The following CCSER1 variants were observed in gnomAD, a reference collection of about 807,000 sequenced individuals.
CCSER1 encodes the protein serine-rich coiled-coil domain-containing protein 1.
A neutral mutation model predicts 82.0 loss-of-function variants in CCSER1; 41 were observed. The ratio of observed to expected loss-of-function variants is 0.50; its 90% CI spans 0.39 to 0.65. CCSER1 has a LOEUF of 0.65. Ranked by LOEUF, CCSER1 falls within the 30% of genes least tolerant of loss-of-function variation. The pLI is 0.00. For synonymous variants in CCSER1, 414 were observed against 383.9 expected (o/e 1.08, Z -0.92); for missense variants, 1,119 against 1,064.2 (o/e 1.05, Z -0.72).
intron 5 of CCSER1, among the ~76,000 whole-genome samples, chr4:90,516,828 T>C (rs879248914): frequency 6.6e-6 from 1 of 152,284 alleles, no homozygotes; most frequent in Admixed American, 6.5e-5. Context: ...GGGGAATCTT[T>C]GAAGTGGTGT....
chr4:90,761,200 C>T (rs1049184233), intron 7 of CCSER1, among the ~76,000 whole-genome samples: 3 of 152,082 alleles, frequency 2.0e-5, no homozygotes. Context: ...CCTACCCTCA[C>T]ACTTGTATGG....
At chr4:91,482,797 A>T (rs1281666203) in intron 10 of CCSER1, among the ~76,000 whole-genome samples, 1 of 152,196 alleles carries the variant, frequency 6.6e-6, no homozygotes, top group East Asian at 1.9e-4. Context: ...CTTTGTAGGG[A>T]CATGGATGAA....
intron 5 of CCSER1, among the ~76,000 whole-genome samples, chr4:90,475,832 C>A (rs1012658391): frequency 1.3e-5 from 2 of 152,164 alleles, no homozygotes; most frequent in African/African-American, 4.8e-5. Context: ...GGCCAATTTG[C>A]TAGTCTCTAA....
chr4:90,778,731 A>G (rs1753311291), intron 7 of CCSER1, among the ~76,000 whole-genome samples: 1 of 152,070 alleles, frequency 6.6e-6, no homozygotes, highest in Non-Finnish European at 1.5e-5. Flanking sequence ...TGCATCCCTC[A>G]AGATTCCCAA....
At chr4:91,222,295 C>T (rs1037450582) in intron 10 of CCSER1, among the ~76,000 whole-genome samples, 2 of 151,700 alleles carry the variant, frequency 1.3e-5, no homozygotes, top group Non-Finnish European at 2.9e-5. Context: ...AGTAGGCATC[C>T]AACAGCCATA....
At chr4:91,137,535 G>T (rs112813047) in intron 10 of CCSER1, among the ~76,000 whole-genome samples, 1 of 109,854 alleles carries the variant, frequency 9.1e-6, no homozygotes, top group Non-Finnish European at 1.9e-5. Context: ...CCAGTAATGG[G>T]ATGGCTGGGT....
At chr4:90,624,593 G>A (rs1560833580) in intron 5 of CCSER1, among the ~76,000 whole-genome samples, 1 of 152,292 alleles carries the variant, frequency 6.6e-6, no homozygotes, top group East Asian at 1.9e-4. Context: ...AGGGAGAAAA[G>A]TGCAAAGCCA....
At chr4:90,839,179 T>G in intron 8 of CCSER1, 1 of 720,862 alleles carries the variant, frequency 1.4e-6, no homozygotes. Context: ...AGAAATATTA[T>G]TATGATCTTT....
intron 10 of CCSER1, among the ~76,000 whole-genome samples, chr4:91,411,483 C>CAT (rs1292774196): frequency 2.0e-4 from 14 of 69,252 alleles, no homozygotes; most frequent in African/African-American, 7.3e-4. Context: ...TAAATTTCTG[C>CAT]ATATATACAT....
chr4:90,697,642 A>C lies in CCSER1; in HGVS notation c.1933-26272A>C, dbSNP rs77170656. Among the ~76,000 whole-genome samples the C allele has an allele frequency of 6.1e-3, 929 of 152,282 alleles. 6 individuals carry two copies. Among genetic ancestry groups the C allele is most frequent in the African/African-American group, 0.017 (691 of 41,566 alleles). On this transcript the variant is annotated intron_variant, in intron 6 of 10. Transcript: ENST00000509176. The stretch of plus-strand genomic sequence containing the variant: ...AAACCTTTAGTGAGTCTTTCAAAAG[A>C]TATGACCAAGTCCAACCCTCATTCA...
At chr4:90,405,123 A>G (rs1448634863) in intron 4 of CCSER1, among the ~76,000 whole-genome samples, 1 of 152,036 alleles carries the variant, frequency 6.6e-6, no homozygotes. Flanking sequence ...ATGATACAGG[A>G]TATGAAAGGA....
At position 90,725,048 on chromosome 4, in the gene CCSER1, G is replaced by A. The variant is rs1187215005; in HGVS notation, c.2010+1057G>A. ...AAGGCCCTTTCTATACCTGCTAATT[G>A]TTAAATACTGAATGATATTCTGATT... On this transcript the variant is annotated intron_variant, in intron 7 of 10. Transcript: ENST00000509176. The A allele has an allele frequency of 1.6e-5, 7 of 432,692 alleles. No individual in the cohort carries two copies. In the East Asian group the frequency reaches 5.0e-4, roughly 31 times the overall value. The allele number at this position is 432,692 out of a possible 1,614,324, so 26.8% of individuals were successfully genotyped here.
At chr4:91,591,225 CTTAT>C (rs776535091) in intron 10 of CCSER1, among the ~76,000 whole-genome samples, 14 of 151,962 alleles carry the variant, frequency 9.2e-5, no homozygotes, top group Non-Finnish European at 1.9e-4. Flanking sequence ...AATGAAAATG[CTTAT>C]TTACATTTAA....
chr4:90,648,338 A>AAAGAAAGAAAGAAAGAAAGAAAGAAAGG (rs1728095907), intron 6 of CCSER1, among the ~76,000 whole-genome samples: 1 of 150,886 alleles, frequency 6.6e-6, no homozygotes, highest in South Asian at 2.1e-4. Flanking sequence ...AGAAAGAAAG[A>AAAGAAAGAAAGAAAGAAAGAAAGAAAGG]AAGAGAGTTG....
chr4:91,204,441 G>T (rs192346940), intron 10 of CCSER1, among the ~76,000 whole-genome samples: 1 of 151,758 alleles, frequency 6.6e-6, no homozygotes, highest in Non-Finnish European at 1.5e-5. Flanking sequence ...ATTTTGATGT[G>T]CTACTTTGGG....
chr4:90,281,118 A>G (rs986339423), intron 1 of CCSER1, among the ~76,000 whole-genome samples: 2 of 152,042 alleles, frequency 1.3e-5, no homozygotes, highest in Non-Finnish European at 2.9e-5. Flanking sequence ...TTAGCCATAA[A>G]AAAGAATGAG....
chr4:91,164,499 C>G (rs929234363), intron 10 of CCSER1, among the ~76,000 whole-genome samples: 1 of 152,142 alleles, frequency 6.6e-6, no homozygotes, highest in African/African-American at 2.4e-5. Context: ...TGGGGAAGTT[C>G]TCCTGGATAA....
chr4:91,151,225 C>T (rs557126473), intron 10 of CCSER1, among the ~76,000 whole-genome samples: 1 of 152,064 alleles, frequency 6.6e-6, no homozygotes, highest in Non-Finnish European at 1.5e-5. Context: ...GGAATTTATC[C>T]ATTTCTTCTA....
At chr4:91,244,496 A>T (rs765788190) in intron 10 of CCSER1, among the ~76,000 whole-genome samples, 1 of 152,212 alleles carries the variant, frequency 6.6e-6, no homozygotes, top group Non-Finnish European at 1.5e-5. Context: ...GTCTCTGCTT[A>T]TTTGGGAGAA....
Sources: allele counts gnomAD v4.1 joint callset (sites outside exome capture counted in the v4.1 genomes callset), GRCh38; gene constraint gnomAD v4.1.1; transcripts MANE v1.5; gene names NCBI Gene and HGNC (gene_info 2026-07-23, HGNC 2026-07-21).